Variants in CACNA1C observed in about 807,000 individuals in gnomAD.
CACNA1C encodes the protein voltage-dependent L-type calcium channel subunit alpha-1C.
In CACNA1C, 30 loss-of-function variants were observed where a neutral mutation model predicts 229.0. That is an observed-to-expected ratio of 0.13 (90% CI 0.10 to 0.18). The LOEUF is 0.18. CACNA1C is among the 10% of genes least tolerant of loss of function. The pLI, the probability that CACNA1C is intolerant of heterozygous loss-of-function variation, is 1.00. For synonymous variants in CACNA1C, 1,114 were observed against 1,132.5 expected (o/e 0.98, Z 0.33); for missense variants, 1,658 against 2,845.0 (o/e 0.58, Z 9.49).
In CACNA1C at chr12:2,654,249, TCTGTTTGTGTCCAGCACCC is replaced by T. The variant is rs2095287235; in HGVS notation, c.4140+364_4140+382del. Among the ~76,000 whole-genome samples the T allele has an allele frequency of 6.6e-6, 1 of 152,176 alleles. No individual in the cohort carries two copies. Among genetic ancestry groups the T allele is most frequent in the South Asian group, 2.1e-4 (1 of 4,830 alleles). ...TCTCAAGAAACAGCAGCAAGGTGTG[TCTGTTTGTGTCCAGCACCC>T]CTGTTTGTGTCCAGGTCTGATGGGC... On this transcript the variant is annotated intron_variant, in intron 33 of 46. Transcript: ENST00000399655. The surrounding 1 kb of genome is among the most constrained non-coding windows in gnomAD (Gnocchi z 4.4).
chr12:2,252,840 A>C (rs11611154), intron 3 of CACNA1C, among the ~76,000 whole-genome samples: 6,920 of 148,262 alleles, frequency 0.047, 185 homozygotes, highest in Middle Eastern at 0.076. Flanking sequence ...AGAGGATGGC[A>C]CTTTGCTGGG....
chr12:2,001,048 A>G (rs987891522), intron 1 of CACNA1C, among the ~76,000 whole-genome samples: 4 of 152,176 alleles, frequency 2.6e-5, no homozygotes, highest in Admixed American at 2.6e-4. Flanking sequence ...AAAAAAAAAA[A>G]AAAAAGAGAG....
rs76108114 is a variant in CACNA1C, at chr12:2,030,558, C to T, written c.139+59357C>T. 1.3e-3 allele frequency among the ~76,000 whole-genome samples: 197 copies of T among 152,320 alleles called. 4 individuals are homozygous for T. The East Asian group carries it at 0.03, about 23-fold the overall frequency. Reference sequence around the variant, plus strand: ...TCACATGTTGCAGTGGGCTGCTCCACGGCTCTCAGATGTGCCCTTGGGGCT... The same window carrying T: ...TCACATGTTGCAGTGGGCTGCTCCATGGCTCTCAGATGTGCCCTTGGGGCT... On this transcript the variant is annotated intron_variant, in intron 1 of 46. Coordinates refer to the CACNA1C transcript ENST00000682462.
chr12:2,560,848 TAA>T (rs36012443), intron 11 of CACNA1C, among the ~76,000 whole-genome samples: 4,863 of 113,030 alleles, frequency 0.043, 183 homozygotes, highest in East Asian at 0.13. Flanking sequence ...TTGGTTCTGG[TAA>T]AAAAAAAAAA....
intron 33 of CACNA1C, 47 bp from the exon 34 acceptor site, chr12:2,655,100 C>A: frequency 8.7e-7 from 1 of 1,154,196 alleles, no homozygotes; most frequent in Non-Finnish European, 1.3e-6. Context: ...AAATTAGGAC[C>A]CTATCTGTCC....
At chr12:2,613,223 C>T (rs2078736452) in intron 29 of CACNA1C, 1 of 152,194 alleles carries the variant, frequency 6.6e-6, no homozygotes, top group African/African-American at 2.4e-5. Flanking sequence ...TATATCATCG[C>T]ACGTCATTCT....
chr12:2,171,731 G>A (rs141102297), intron 3 of CACNA1C, among the ~76,000 whole-genome samples: 62 of 152,286 alleles, frequency 4.1e-4, no homozygotes, highest in African/African-American at 1.5e-3. Context: ...AAACAGCTAA[G>A]TCAGTCAGAC....
intron 3 of CACNA1C, among the ~76,000 whole-genome samples, chr12:2,413,669 C>T (rs996762432): frequency 6.6e-6 from 1 of 152,186 alleles, no homozygotes; most frequent in Non-Finnish European, 1.5e-5. Flanking sequence ...TCACTCAAGT[C>T]CCGCCGTCCC....
At chr12:2,292,181 T>G (rs2093583303) in intron 3 of CACNA1C, among the ~76,000 whole-genome samples, 1 of 152,200 alleles carries the variant, frequency 6.6e-6, no homozygotes, top group East Asian at 1.9e-4. Context: ...CCTTGGTCCT[T>G]AAGAGGTTGA....
rs1483668514 is a variant in CACNA1C at position 2,651,577 on chromosome 12, C to T, written c.3946-63C>T. ...CTGAGGTCTGTATTTCTCGGAGGGG[C>T]CCTCCTGTTCTCACCCCCCTCTTGC... is the stretch of plus-strand genomic sequence containing the variant. On this transcript the variant is annotated intron_variant, in intron 31 of 46. Coordinates refer to ENST00000399655, the MANE Select transcript of CACNA1C (RefSeq NM_000719.7). This position sits in a 1 kb window ranked among gnomAD's most constrained non-coding sequence, Gnocchi z 5.4. 3.1e-6 allele frequency: 5 copies of T among 1,612,792 alleles called. No homozygotes were observed. The highest frequency in any genetic ancestry group is 4.2e-6 in the Non-Finnish European group (5 of 1,179,170).
chr12:2,120,615 C>A (rs1390275991), intron 3 of CACNA1C, among the ~76,000 whole-genome samples, 185 bp downstream of exon 3: 1 of 150,928 alleles, frequency 6.6e-6, no homozygotes, highest in African/African-American at 2.4e-5. Flanking sequence ...TCATTCCGGC[C>A]TGTTTTCCAA....
chr12:2,551,482 G>C (rs1369576990), intron 10 of CACNA1C, among the ~76,000 whole-genome samples: 1 of 152,184 alleles, frequency 6.6e-6, no homozygotes, highest in Non-Finnish European at 1.5e-5. Flanking sequence ...CTGAGTCACA[G>C]TGCCAGAATT....
intron 3 of CACNA1C, among the ~76,000 whole-genome samples, chr12:2,426,087 T>G (rs2099029066): frequency 6.6e-6 from 1 of 152,152 alleles, no homozygotes; most frequent in Admixed American, 6.5e-5. Context: ...AGCTCAGAGC[T>G]GGGGGCAGGG....
At chr12:2,638,976 G>C (rs2093277372) in intron 30 of CACNA1C, among the ~76,000 whole-genome samples, 1 of 152,246 alleles carries the variant, frequency 6.6e-6, no homozygotes, top group Non-Finnish European at 1.5e-5. Flanking sequence ...GAAGCGACAA[G>C]AGGCAGAGGA....
chr12:2,157,565 A>C (rs953481160), intron 3 of CACNA1C, among the ~76,000 whole-genome samples: 1 of 152,224 alleles, frequency 6.6e-6, no homozygotes, highest in Non-Finnish European at 1.5e-5. Flanking sequence ...GGCAGAGTGG[A>C]CCAGCCTAAA....
At chr12:2,174,468 A>G (rs901564477) in intron 3 of CACNA1C, among the ~76,000 whole-genome samples, 7 of 152,228 alleles carry the variant, frequency 4.6e-5, no homozygotes, top group African/African-American at 1.7e-4. Flanking sequence ...AAATGTAATC[A>G]AAGAGACATA....
At chr12:2,578,111 G>A (rs545337512) in intron 13 of CACNA1C, among the ~76,000 whole-genome samples, 6 of 152,076 alleles carry the variant, frequency 3.9e-5, no homozygotes, top group South Asian at 2.1e-4. Context: ...CTCGTGATCC[G>A]CCCGCCTCGG....
chr12:2,631,302 T>G (rs948156561), intron 29 of CACNA1C, among the ~76,000 whole-genome samples: 1 of 152,172 alleles, frequency 6.6e-6, no homozygotes, highest in Non-Finnish European at 1.5e-5. Flanking sequence ...CGAAATAATG[T>G]TTTCTTGCAC....
chr12:2,494,834 C>T (rs900123528), intron 7 of CACNA1C, among the ~76,000 whole-genome samples: 2 of 152,244 alleles, frequency 1.3e-5, no homozygotes, highest in African/African-American at 2.4e-5. Flanking sequence ...GTGTCCCTCC[C>T]TCTGTAAGTG....
Sources: allele counts gnomAD v4.1 joint callset (sites outside exome capture counted in the v4.1 genomes callset), GRCh38; gene constraint gnomAD v4.1.1; non-coding constraint Gnocchi (gnomAD v3.1); transcripts MANE v1.5; gene names NCBI Gene and HGNC (gene_info 2026-07-23, HGNC 2026-07-21).